The following ABI1 variants were observed in gnomAD, a reference collection of about 807,000 sequenced individuals.
ABI1 encodes the protein Abelson interactor 1.
A neutral mutation model predicts 54.6 loss-of-function variants in ABI1; 14 were observed. The ratio of observed to expected loss-of-function variants is 0.26; its 90% CI spans 0.17 to 0.40. The LOEUF is 0.40. ABI1 is among the 10% of genes least tolerant of loss of function. ABI1 has a pLI of 1.00. For synonymous variants in ABI1, 194 were observed against 209.3 expected (o/e 0.93, Z 0.63); for missense variants, 443 against 598.3 (o/e 0.74, Z 2.71).
intron 2 of ABI1, among the ~76,000 whole-genome samples, chr10:26,807,409 G>T (rs906562003): frequency 6.6e-6 from 1 of 152,052 alleles, no homozygotes; most frequent in African/African-American, 2.4e-5. Context: ...CTGAGCCTAG[G>T]AAGACAAGGC....
In ABI1 at chr10:26,831,101, T is replaced by C. The variant is rs193072980; in HGVS notation, c.118-7796A>G. Among the ~76,000 whole-genome samples, 112 of 152,294 alleles carry C rather than the reference T, an allele frequency of 7.4e-4. 3 individuals carry two copies. The highest frequency in any genetic ancestry group is 6.9e-3 in the Admixed American group (105 of 15,294). On this transcript the variant is annotated intron_variant, in intron 1 of 10. Coordinates refer to ENST00000376140, the MANE Select transcript of ABI1 (RefSeq NM_001012750.3). ...GTCCCATGTGCATTTTTTTAAGTTTTCTACCATTTTGTTTCCATGTCTTTA... is the reference window on the plus strand; with the variant it reads ...GTCCCATGTGCATTTTTTTAAGTTTCCTACCATTTTGTTTCCATGTCTTTA...
chr10:26,785,048 T>C (rs765605585), intron 2 of ABI1, among the ~76,000 whole-genome samples: 10 of 152,210 alleles, frequency 6.6e-5, no homozygotes, highest in Non-Finnish European at 1.2e-4. Context: ...TTGAAGTCAA[T>C]ATTGCAGTCT....
intron 6 of ABI1, among the ~76,000 whole-genome samples, chr10:26,767,108 TCTAATGAAACAACACTTAATA>T (rs1302880520): frequency 6.6e-5 from 10 of 152,194 alleles, no homozygotes; most frequent in Admixed American, 5.9e-4. Flanking sequence ...ATGCCTAGTA[TCTAATGAAACAACACTTAATA>T]ACTGCTTGTT....
intron 1 of ABI1, 47 bp from the exon 2 acceptor site, chr10:26,823,352 A>G (rs2048107707): frequency 7.4e-7 from 1 of 1,353,718 alleles, no homozygotes; most frequent in African/African-American, 1.5e-5. Context: ...ATTAACATTC[A>G]TTAAATATAT....
chr10:26,781,709 G>A (rs1157046668), intron 2 of ABI1, among the ~76,000 whole-genome samples: 1 of 152,176 alleles, frequency 6.6e-6, no homozygotes, highest in Non-Finnish European at 1.5e-5. Flanking sequence ...ACTACAGAAT[G>A]ACATATTTAA....
intron 2 of ABI1, among the ~76,000 whole-genome samples, chr10:26,821,660 G>T (rs756455930): frequency 6.6e-6 from 1 of 152,062 alleles, no homozygotes. Flanking sequence ...TTAGCCAGGC[G>T]TGGTGGCGAG....
At chr10:26,846,120 C>T (rs960420152) in intron 1 of ABI1, among the ~76,000 whole-genome samples, 5 of 148,904 alleles carry the variant, frequency 3.4e-5, no homozygotes, top group South Asian at 4.3e-4. Flanking sequence ...CCAGTCTGGG[C>T]GACAGAGTGA....
Position 26,789,933 on chromosome 10 carries a change from A to C in ABI1, c.286-12692T>G, listed in dbSNP as rs185393317. Among the ~76,000 whole-genome samples, 329 of 152,270 alleles carry C rather than the reference A, an allele frequency of 2.2e-3. 2 individuals carry two copies. Among genetic ancestry groups the C allele is most frequent in the Non-Finnish European group, 3.8e-3 (256 of 68,008 alleles). On this transcript the variant is annotated intron_variant, in intron 2 of 10. Coordinates refer to ENST00000376140, the MANE Select transcript of ABI1 (RefSeq NM_001012750.3). ...GCTAAGGATAATGGCCTCCAGCTCC[A>C]TCCATGTCCCTGCAAAAGACATGAT...
At chr10:26,762,251 G>A (rs913873969) in intron 7 of ABI1, among the ~76,000 whole-genome samples, 10 of 152,088 alleles carry the variant, frequency 6.6e-5, no homozygotes, top group African/African-American at 1.2e-4. Context: ...CAAGCAATCC[G>A]CCTGCCTCAG....
At chr10:26,816,172 A>G (rs1259104740) in intron 2 of ABI1, among the ~76,000 whole-genome samples, 1 of 152,212 alleles carries the variant, frequency 6.6e-6, no homozygotes, top group Non-Finnish European at 1.5e-5. Context: ...CATTTTACAA[A>G]ACTGGGTATC....
At chr10:26,765,373 A>G (rs1839812416) in intron 6 of ABI1, 55 bp from the exon 7 acceptor site, 1 of 1,310,544 alleles carries the variant, frequency 7.6e-7, no homozygotes, top group Non-Finnish European at 1.1e-6. Context: ...TATTTAAAAA[A>G]AAACTGTAAT....
chr10:26,851,348 ATTTTTTTTTT>A (rs397724445), intron 1 of ABI1, among the ~76,000 whole-genome samples: 6 of 67,816 alleles, frequency 8.8e-5, no homozygotes, highest in African/African-American at 3.9e-4. Flanking sequence ...GACTAAGCTA[ATTTTTTTTTT>A]TTTTTTTTTT....
intron 1 of ABI1, among the ~76,000 whole-genome samples, chr10:26,844,754 G>A (rs1208304874): frequency 6.6e-6 from 1 of 152,224 alleles, no homozygotes; most frequent in Non-Finnish European, 1.5e-5. Context: ...GGGGAAAATA[G>A]ATACCGGTTA....
At chr10:26,777,353 T>C in intron 2 of ABI1, 112 bp from the exon 3 acceptor site, 2 of 705,670 alleles carry the variant, frequency 2.8e-6, no homozygotes, top group Non-Finnish European at 4.4e-6. Context: ...ACCATATGTC[T>C]ATTTTCCAGT....
intron 2 of ABI1, among the ~76,000 whole-genome samples, chr10:26,789,850 A>G (rs929767356): frequency 6.6e-6 from 1 of 152,156 alleles, no homozygotes; most frequent in South Asian, 2.1e-4. Context: ...CTCATCATTT[A>G]GCTCCTACAT....
chr10:26,762,567 C>A (rs960595428), intron 7 of ABI1, among the ~76,000 whole-genome samples: 1 of 152,088 alleles, frequency 6.6e-6, no homozygotes, highest in Non-Finnish European at 1.5e-5. Flanking sequence ...AGATAATTAC[C>A]ATATTAGATA....
intron 1 of ABI1, among the ~76,000 whole-genome samples, chr10:26,835,631 C>T (rs545650137): frequency 0.017 from 2,427 of 143,740 alleles, 48 homozygotes; most frequent in African/African-American, 0.054. Context: ...CACACACACA[C>T]ACACAAATGT....
intron 9 of ABI1, among the ~76,000 whole-genome samples, chr10:26,751,994 A>T (rs1345956114): frequency 6.6e-6 from 1 of 152,190 alleles, no homozygotes; most frequent in Non-Finnish European, 1.5e-5. Flanking sequence ...GGGTATCTGG[A>T]AGTACTACAA....
intron 2 of ABI1, among the ~76,000 whole-genome samples, chr10:26,813,115 G>A (rs994370158): frequency 6.6e-6 from 1 of 151,952 alleles, no homozygotes; most frequent in Non-Finnish European, 1.5e-5. Context: ...TAGGTGTGGT[G>A]GTGCACACCT....
Sources: gnomAD v4.1 joint callset for allele counts (sites outside exome capture counted in the v4.1 genomes callset) on GRCh38, gnomAD v4.1.1 for gene constraint, MANE v1.5 for transcripts, NCBI Gene and HGNC (gene_info 2026-07-23, HGNC 2026-07-21) for gene names.